DLGAP1: variants seen among roughly 807,000 people sequenced by gnomAD.
DLGAP1 encodes the protein DLG associated protein 1.
In DLGAP1, 11 loss-of-function variants were observed where a neutral mutation model predicts 90.8. The observed-to-expected ratio is 0.12, with a 90% CI of 0.08 to 0.20. The LOEUF (loss-of-function observed/expected upper bound fraction) is 0.20. DLGAP1 is among the 10% of genes least tolerant of loss of function. The pLI is 1.00. For missense variants in DLGAP1, 1,050 were observed against 1,333.8 expected, an observed-to-expected ratio of 0.79 and a Z score of 3.31; for synonymous variants, 558 against 540.7, an observed-to-expected ratio of 1.03 and a Z score of -0.44.
rs1051372948 is a variant in DLGAP1, at chr18:3,845,140, T to C, written c.958-30867A>G. On this transcript the variant is annotated intron_variant, in intron 4 of 12. Transcript: ENST00000315677. ...ATGAAACATGAAATTAACTCCAGTATGTTAAAAGAAAGATGATAGATTAGC... is the reference window on the plus strand; with the variant it reads ...ATGAAACATGAAATTAACTCCAGTACGTTAAAAGAAAGATGATAGATTAGC... The C allele has an allele frequency of 8.1e-6, 12 of 1,478,342 alleles. No homozygotes were observed. In the South Asian group the frequency reaches 1.3e-4, roughly 15 times the overall value. The allele number at this position is 1,478,342 out of a possible 1,614,324, so 91.6% of individuals were successfully genotyped here. A position where few individuals can be genotyped will look rare whatever the true frequency, so the allele number is the denominator to read the frequency against.
At chr18:3,861,910 A>G (rs1189063839) in intron 4 of DLGAP1, among the ~76,000 whole-genome samples, 1 of 152,244 alleles carries the variant, frequency 6.6e-6, no homozygotes, top group Non-Finnish European at 1.5e-5. Flanking sequence ...TCCAGGCCTC[A>G]AAGATGGCGA....
rs145694716 is a variant in DLGAP1, at chr18:4,197,046, G to A, written c.-266-45759C>T. ...AAATCAGTTCAGTGTGGTGGTGGGC[G>A]CCTGTAATTCCAGCTACTTGGGAGG... On this transcript the variant is annotated intron_variant, in intron 1 of 12. Coordinates refer to ENST00000315677, the MANE Select transcript of DLGAP1 (RefSeq NM_004746.4). Among the ~76,000 whole-genome samples, 648 of 151,814 alleles carry A rather than the reference G, an allele frequency of 4.3e-3. 7 individuals carry two copies. Among genetic ancestry groups the A allele is most frequent in the Middle Eastern group, 0.01 (3 of 294 alleles).
chr18:4,160,918 G>A (rs1316960026), intron 1 of DLGAP1, among the ~76,000 whole-genome samples: 3 of 151,918 alleles, frequency 2.0e-5, no homozygotes, highest in Middle Eastern at 3.4e-3. Flanking sequence ...AAGAGATTAC[G>A]TTACTTAGCC....
intron 7 of DLGAP1, among the ~76,000 whole-genome samples, chr18:3,600,653 T>C (rs1359002024): frequency 7.4e-5 from 11 of 148,384 alleles, no homozygotes; most frequent in Admixed American, 6.9e-4. Flanking sequence ...AATGGAGATA[T>C]AGATATCTAT....
chr18:4,243,557 T>C (rs1368769021), intron 1 of DLGAP1, among the ~76,000 whole-genome samples: 1 of 152,222 alleles, frequency 6.6e-6, no homozygotes, highest in Non-Finnish European at 1.5e-5. Flanking sequence ...AGTACATGTG[T>C]TAGAGATTTC....
intron 5 of DLGAP1, among the ~76,000 whole-genome samples, chr18:3,761,087 CATAAT>C (rs1297969051): frequency 3.3e-5 from 5 of 152,316 alleles, no homozygotes; most frequent in Admixed American, 2.6e-4. Context: ...GCAAAATACA[CATAAT>C]ATAAAATCCA....
intron 1 of DLGAP1, among the ~76,000 whole-genome samples, chr18:4,411,554 C>G (rs894063854): frequency 1.3e-5 from 2 of 152,158 alleles, no homozygotes; most frequent in African/African-American, 4.8e-5. Flanking sequence ...AACAAATCAC[C>G]CCCAAAACTT....
intron 1 of DLGAP1, among the ~76,000 whole-genome samples, chr18:4,262,164 C>T (rs145798674): frequency 1.3e-5 from 2 of 152,328 alleles, no homozygotes; most frequent in African/African-American, 4.8e-5. Context: ...TGTAGTTCTA[C>T]ATGTAATTAA....
intron 5 of DLGAP1, among the ~76,000 whole-genome samples, chr18:3,765,315 A>G (rs2147951969): frequency 6.7e-6 from 1 of 149,664 alleles, no homozygotes; most frequent in Admixed American, 6.6e-5. Flanking sequence ...TATTTTTAGT[A>G]GAGATGGGGT....
chr18:3,513,771 A>G (rs1257593198), intron 10 of DLGAP1, among the ~76,000 whole-genome samples: 4 of 152,310 alleles, frequency 2.6e-5, no homozygotes, highest in African/African-American at 9.6e-5. Flanking sequence ...TATGCAATCT[A>G]TGATTTGAAA....
chr18:3,837,418 A>G (rs1331917503), intron 4 of DLGAP1, among the ~76,000 whole-genome samples: 1 of 152,242 alleles, frequency 6.6e-6, no homozygotes, highest in Non-Finnish European at 1.5e-5. Flanking sequence ...AGCAATGGAT[A>G]TTATAAATCC....
At chr18:3,954,826 G>A (rs375156208) in intron 3 of DLGAP1, among the ~76,000 whole-genome samples, 31 of 152,198 alleles carry the variant, frequency 2.0e-4, no homozygotes, top group East Asian at 1.9e-3. Flanking sequence ...CTGGACATGC[G>A]GACAATGAAG....
intron 1 of DLGAP1, among the ~76,000 whole-genome samples, chr18:4,176,973 T>C (rs1165549717): frequency 1.3e-5 from 2 of 152,136 alleles, no homozygotes; most frequent in African/African-American, 2.4e-5. Flanking sequence ...GGCTCACAGC[T>C]GGATCTTGGA....
At chr18:4,416,036 T>C (rs923317047) in intron 1 of DLGAP1, among the ~76,000 whole-genome samples, 2 of 152,202 alleles carry the variant, frequency 1.3e-5, no homozygotes, top group Non-Finnish European at 2.9e-5. Flanking sequence ...TGCTCTTCAA[T>C]AAACACATTG....
intron 4 of DLGAP1, among the ~76,000 whole-genome samples, chr18:3,867,351 C>T (rs1173938594): frequency 6.6e-6 from 1 of 152,110 alleles, no homozygotes; most frequent in Admixed American, 6.5e-5. Context: ...CTAGGATTCC[C>T]TTCCAAATTA....
chr18:4,446,257 A>G (rs1216005050), intron 1 of DLGAP1, among the ~76,000 whole-genome samples: 1 of 152,200 alleles, frequency 6.6e-6, no homozygotes, highest in East Asian at 1.9e-4. Context: ...GGGGAATACT[A>G]GCGAATGGGA....
At chr18:3,617,299 T>C in intron 7 of DLGAP1, among the ~76,000 whole-genome samples, 1 of 152,106 alleles carries the variant, frequency 6.6e-6, no homozygotes, top group African/African-American at 2.4e-5. Flanking sequence ...CTATTAAAAA[T>C]AAACAAAAAA....
intron 3 of DLGAP1, among the ~76,000 whole-genome samples, chr18:3,893,831 C>T (rs951803274): frequency 6.6e-6 from 1 of 151,998 alleles, no homozygotes; most frequent in African/African-American, 2.4e-5. Context: ...TACATTCCCA[C>T]CAAAAGTGTA....
intron 2 of DLGAP1, among the ~76,000 whole-genome samples, chr18:4,053,259 C>G (rs1244622404): frequency 1.3e-5 from 2 of 152,154 alleles, no homozygotes. Context: ...CCTCAGGAAA[C>G]TTATAATCAT....
Sources: allele counts gnomAD v4.1 joint callset (sites outside exome capture counted in the v4.1 genomes callset), GRCh38; gene constraint gnomAD v4.1.1; transcripts MANE v1.5; gene names NCBI Gene and HGNC (gene_info 2026-07-23, HGNC 2026-07-21).